The following GSN variants were observed in gnomAD, a reference collection of about 807,000 sequenced individuals.
The protein encoded by GSN is gelsolin.
In GSN, 56 loss-of-function variants were observed where a neutral mutation model predicts 85.7. The ratio of observed to expected loss-of-function variants is 0.65; its 90% CI spans 0.53 to 0.82. The LOEUF (loss-of-function observed/expected upper bound fraction) is 0.82, where lower values mean the gene tolerates loss of function less well. Among genes scored for constraint, GSN ranks in the 40% least tolerant of loss-of-function variants. The pLI is 0.00. For missense variants in GSN, 857 were observed against 979.8 expected (o/e 0.87, Z 1.67); for synonymous variants, 373 against 399.1 (o/e 0.93, Z 0.78).
intron 13 of GSN, 29 bp downstream of exon 13, chr9:121,326,711 G>C: frequency 1.3e-6 from 2 of 1,595,778 alleles, no homozygotes; most frequent in Non-Finnish European, 1.7e-6. Context: ...AACACAGAAG[G>C]GATTGGCCTC....
intron 5 of GSN, among the ~76,000 whole-genome samples, chr9:121,246,972 C>G (rs980591705): frequency 2.0e-5 from 3 of 152,152 alleles, no homozygotes; most frequent in Admixed American, 6.5e-5. Flanking sequence ...GGCAGAAGAG[C>G]AATTCCCAGA....
chr9:121,293,470 C>G (rs181620917), intron 2 of GSN, among the ~76,000 whole-genome samples: 1 of 151,676 alleles, frequency 6.6e-6, no homozygotes, highest in Non-Finnish European at 1.5e-5. Context: ...TTTAATAGGC[C>G]GGGCGCGGTG....
intron 5 of GSN, chr9:121,238,582 C>T (rs530841486): frequency 5.3e-4 from 109 of 205,102 alleles, no homozygotes; most frequent in African/African-American, 1.6e-3. Context: ...ACTTTGTGAG[C>T]GTGTGAATCA....
chr9:121,288,664 G>T (rs1374470473), intron 2 of GSN, among the ~76,000 whole-genome samples: 1 of 152,148 alleles, frequency 6.6e-6, no homozygotes, highest in Non-Finnish European at 1.5e-5. Flanking sequence ...GAGTCCATCT[G>T]AGAGCCTGTC....
chr9:121,314,584 G>A (rs1042507366), intron 7 of GSN, among the ~76,000 whole-genome samples: 4 of 151,906 alleles, frequency 2.6e-5, no homozygotes, highest in African/African-American at 4.8e-5. Context: ...AGGGGATGTC[G>A]ATTTTCACCA....
chr9:121,256,818 G>A (rs2054971962), intron 6 of GSN, among the ~76,000 whole-genome samples: 1 of 152,144 alleles, frequency 6.6e-6, no homozygotes, highest in African/African-American at 2.4e-5. Flanking sequence ...GAACCCAGAA[G>A]GTAGAGGCTG....
intron 6 of GSN, among the ~76,000 whole-genome samples, chr9:121,249,268 G>A (rs2054765833): frequency 6.6e-6 from 1 of 151,822 alleles, no homozygotes; most frequent in Non-Finnish European, 1.5e-5. Flanking sequence ...AGACCAACCT[G>A]AGCAACATGG....
chr9:121,221,463 T>G (rs1302309075), intron 4 of GSN, among the ~76,000 whole-genome samples: 1 of 152,204 alleles, frequency 6.6e-6, no homozygotes, highest in African/African-American at 2.4e-5. Flanking sequence ...CAGTGCAGCT[T>G]TGATGGTCCC....
chr9:121,276,088 G>A (rs992704882), intron 1 of GSN, among the ~76,000 whole-genome samples: 1 of 152,244 alleles, frequency 6.6e-6, no homozygotes, highest in Non-Finnish European at 1.5e-5. Context: ...GCGAATTCAA[G>A]TGTGAGAAGC....
intron 4 of GSN, among the ~76,000 whole-genome samples, chr9:121,217,774 A>T (rs1477636396): frequency 6.8e-6 from 1 of 147,932 alleles, no homozygotes; most frequent in Non-Finnish European, 1.5e-5. Flanking sequence ...TTAAATTTTT[A>T]AATATTTCAA....
At chr9:121,294,494 G>A (rs1376704713) in intron 2 of GSN, among the ~76,000 whole-genome samples, 1 of 152,190 alleles carries the variant, frequency 6.6e-6, no homozygotes, top group Non-Finnish European at 1.5e-5. Flanking sequence ...AGCAGGGCCA[G>A]GCCCCTCCAG....
intron 5 of GSN, 53 bp downstream of exon 5, chr9:121,310,898 T>G (rs306785): frequency 6.4e-7 from 1 of 1,573,664 alleles, no homozygotes; most frequent in East Asian, 2.2e-5. Flanking sequence ...CCTGGTCTGA[T>G]CAGGGACTTG....
chr9:121,313,623 G>A (rs1050248647), intron 6 of GSN: 10 of 426,054 alleles, frequency 2.3e-5, no homozygotes, highest in Non-Finnish European at 3.5e-5. Context: ...TTAAAGGTAG[G>A]CGGTAGAAGG....
upstream of GSN, among the ~76,000 whole-genome samples, chr9:121,203,857 A>G (rs1261771758): frequency 3.3e-5 from 5 of 152,272 alleles, no homozygotes; most frequent in Admixed American, 6.5e-5. Context: ...AATGATTATT[A>G]CATGATAATC....
intron 7 of GSN, among the ~76,000 whole-genome samples, chr9:121,315,465 T>C (rs1317772024): frequency 6.6e-6 from 1 of 152,136 alleles, no homozygotes; most frequent in Non-Finnish European, 1.5e-5. Flanking sequence ...AGTCAGTAGT[T>C]GAAAATACTG....
At chr9:121,217,207 C>A (rs986919387) in intron 4 of GSN, among the ~76,000 whole-genome samples, 14 of 150,422 alleles carry the variant, frequency 9.3e-5, no homozygotes, top group African/African-American at 3.2e-4. Flanking sequence ...ACTAAAAATA[C>A]AAAAAAAAAT....
rs577643022 is a variant in GSN, at chr9:121,323,591, A to T, written c.1326-963A>T. On this transcript the variant is annotated intron_variant, in intron 11 of 17. Coordinates refer to ENST00000432226, the MANE Select transcript of GSN (RefSeq NM_198252.3). Reference sequence around the variant, plus strand: ...CACCATGTTGGGCAGGCTGGTTTCGAACTCCTGACCTCAACTGATCTGCCT... The same window carrying T: ...CACCATGTTGGGCAGGCTGGTTTCGTACTCCTGACCTCAACTGATCTGCCT... Among the ~76,000 whole-genome samples, 2 of 152,026 alleles carry T rather than the reference A, an allele frequency of 1.3e-5. 1 individual carries two copies. Among genetic ancestry groups the T allele is most frequent in the East Asian group, 3.9e-4 (2 of 5,140 alleles).
At position 121,329,359 on chromosome 9, in the gene GSN, G is replaced by A. The variant is rs191664963; in HGVS notation, c.1965+44G>A. 7.6e-4 allele frequency: 844 copies of A among 1,112,712 alleles called. 1 individual carries two copies. Among genetic ancestry groups the A allele is most frequent in the Non-Finnish European group, 4.9e-4 (356 of 722,078 alleles). 68.9% of individuals were successfully genotyped at this position (1,112,712 alleles called of 1,614,324 possible). A position where few individuals can be genotyped will look rare whatever the true frequency, so the allele number is the denominator to read the frequency against. On this transcript the variant is annotated intron_variant, in intron 16 of 17. Coordinates refer to ENST00000432226, the MANE Select transcript of GSN (RefSeq NM_198252.3). The surrounding 1 kb of genome is among the most constrained non-coding windows in gnomAD (Gnocchi z 4.6). ...AAGGCTCTCTGTGCCAGAGGGAGTGGGAGAAACTAGACTTCCAGTTCTATG... is the reference window on the plus strand; with the variant it reads ...AAGGCTCTCTGTGCCAGAGGGAGTGAGAGAAACTAGACTTCCAGTTCTATG...
intron 4 of GSN, among the ~76,000 whole-genome samples, chr9:121,223,266 T>C (rs890505456): frequency 6.6e-6 from 1 of 152,136 alleles, no homozygotes; most frequent in African/African-American, 2.4e-5. Flanking sequence ...TTTAGAGAGA[T>C]AGTATAATAA....
Sources: allele counts gnomAD v4.1 joint callset (sites outside exome capture counted in the v4.1 genomes callset), GRCh38; gene constraint gnomAD v4.1.1; non-coding constraint Gnocchi (gnomAD v3.1); transcripts MANE v1.5; gene names NCBI Gene and HGNC (gene_info 2026-07-23, HGNC 2026-07-21).